The following CTNNA3 variants were observed in gnomAD, a reference collection of about 807,000 sequenced individuals.
CTNNA3 encodes the protein catenin alpha 3.
In CTNNA3, 76 loss-of-function variants were observed where a neutral mutation model predicts 95.7. That is an observed-to-expected ratio of 0.79 (90% CI 0.66 to 0.96). CTNNA3 has a LOEUF of 0.96. Ranked by LOEUF, CTNNA3 falls within the 40% of genes least tolerant of loss-of-function variation. The probability of loss-of-function intolerance (pLI) is 0.00; values close to 1 mark genes in which losing one functional copy is unlikely to be tolerated. For synonymous variants in CTNNA3, 431 were observed against 374.4 expected (o/e 1.15, Z -1.74); for missense variants, 1,191 against 1,089.8 (o/e 1.09, Z -1.31).
chr10:67,000,860 G>A (rs897458178), intron 7 of CTNNA3, among the ~76,000 whole-genome samples: 3 of 152,136 alleles, frequency 2.0e-5, no homozygotes, highest in South Asian at 2.1e-4. Context: ...ATTTTGGTAT[G>A]TCTAGCCAAA....
chr10:67,163,850 GAAAATT>G (rs1554935316), intron 7 of CTNNA3, among the ~76,000 whole-genome samples: 1 of 151,742 alleles, frequency 6.6e-6, no homozygotes, highest in African/African-American at 2.4e-5. Context: ...AATAACAGGT[GAAAATT>G]AAAATTAAAA....
intron 7 of CTNNA3, among the ~76,000 whole-genome samples, chr10:67,107,484 T>C (rs1858705221): frequency 6.6e-6 from 1 of 152,240 alleles, no homozygotes; most frequent in Non-Finnish European, 1.5e-5. Context: ...AACAACTTTT[T>C]AGAAGCTAAT....
intron 7 of CTNNA3, chr10:67,177,068 T>C (rs1862278764): frequency 2.3e-6 from 1 of 427,078 alleles, no homozygotes; most frequent in Non-Finnish European, 4.6e-6. Flanking sequence ...ACCAAACATA[T>C]ATACATATGT....
At position 66,496,393 on chromosome 10, in the gene CTNNA3, G is replaced by A. The variant is rs1171470185; in HGVS notation, c.1531+24224C>T. Among the ~76,000 whole-genome samples the A allele has an allele frequency of 2.0e-5, 3 of 152,072 alleles. No homozygotes were observed. The East Asian group carries it at 5.8e-4, about 29-fold the overall frequency. On this transcript the variant is annotated intron_variant, in intron 11 of 17. Transcript: ENST00000433211. Reference sequence around the variant, plus strand: ...AAGTGTGACAATATAATTATTTCCAGTTTGATTAAATGCTATAATCACTAT... The same window carrying A: ...AAGTGTGACAATATAATTATTTCCAATTTGATTAAATGCTATAATCACTAT...
At chr10:66,027,468 A>G (rs1423436489) in intron 15 of CTNNA3, among the ~76,000 whole-genome samples, 1 of 152,164 alleles carries the variant, frequency 6.6e-6, no homozygotes, top group East Asian at 1.9e-4. Flanking sequence ...CTCCCATGAA[A>G]TAAGGTCATT....
At chr10:67,670,341 C>T (rs1301601445) in intron 1 of CTNNA3, among the ~76,000 whole-genome samples, 2 of 152,198 alleles carry the variant, frequency 1.3e-5, no homozygotes, top group Non-Finnish European at 2.9e-5. Context: ...TCTAGTTCTA[C>T]TGATTTTGCA....
At chr10:66,234,433 T>C (rs2089752558) in intron 13 of CTNNA3, among the ~76,000 whole-genome samples, 1 of 151,862 alleles carries the variant, frequency 6.6e-6, no homozygotes, top group Non-Finnish European at 1.5e-5. Context: ...GCCTGGAAAA[T>C]ATTGCTGGAT....
At chr10:67,376,268 G>A (rs577398953) in intron 5 of CTNNA3, among the ~76,000 whole-genome samples, 5 of 152,282 alleles carry the variant, frequency 3.3e-5, no homozygotes, top group African/African-American at 9.6e-5. Context: ...TTCAAGGGAG[G>A]TCAGGAAAGT....
intron 9 of CTNNA3, among the ~76,000 whole-genome samples, chr10:66,765,566 A>C (rs1173062673): frequency 6.6e-6 from 1 of 152,050 alleles, no homozygotes; most frequent in East Asian, 1.9e-4. Context: ...CTTTCATCTT[A>C]TTTGTATTAG....
At chr10:66,679,359 A>T (rs1037784173) in intron 9 of CTNNA3, among the ~76,000 whole-genome samples, 1 of 152,218 alleles carries the variant, frequency 6.6e-6, no homozygotes, top group African/African-American at 2.4e-5. Flanking sequence ...AAAGAGAAAA[A>T]CACTCGTGTA....
chr10:66,737,258 T>A (rs1326218534), intron 9 of CTNNA3, among the ~76,000 whole-genome samples: 1 of 152,198 alleles, frequency 6.6e-6, no homozygotes, highest in Non-Finnish European at 1.5e-5. Flanking sequence ...TGATTATGAC[T>A]GTTTAATGGC....
intron 7 of CTNNA3, among the ~76,000 whole-genome samples, chr10:66,790,976 C>T (rs1418423046): frequency 6.6e-6 from 1 of 152,122 alleles, no homozygotes; most frequent in African/African-American, 2.4e-5. Flanking sequence ...ATCGCCATTA[C>T]CTCAATTCTT....
chr10:66,868,526 G>A (rs1185940970), intron 7 of CTNNA3, among the ~76,000 whole-genome samples: 1 of 151,840 alleles, frequency 6.6e-6, no homozygotes, highest in Non-Finnish European at 1.5e-5. Context: ...TCCGAGGCAG[G>A]TGGATCACTT....
At position 67,583,320 on chromosome 10, in the gene CTNNA3, C is replaced by CTTAG. The variant is rs1202657997; in HGVS notation, c.292+23533_292+23536dup. 2.6e-5 allele frequency among the ~76,000 whole-genome samples: 4 copies of CTTAG among 152,266 alleles called. No homozygotes were observed. In the South Asian group the frequency reaches 8.3e-4, roughly 32 times the overall value. On this transcript the variant is annotated intron_variant, in intron 3 of 17. Coordinates refer to ENST00000433211, the MANE Select transcript of CTNNA3 (RefSeq NM_013266.4). The stretch of plus-strand genomic sequence containing the variant: ...TTTTATTTCTCCTTCACTTATGAAG[C>CTTAG]TTAGTTTGGCTGGATATGAAATTCT...
chr10:66,914,250 C>T (rs1846371623), intron 7 of CTNNA3, among the ~76,000 whole-genome samples: 1 of 151,708 alleles, frequency 6.6e-6, no homozygotes, highest in Admixed American at 6.6e-5. Context: ...CCTGCCTCAG[C>T]CTCCCCAGTA....
chr10:66,153,629 G>T (rs904601189), intron 13 of CTNNA3, among the ~76,000 whole-genome samples: 5 of 151,834 alleles, frequency 3.3e-5, no homozygotes, highest in African/African-American at 1.2e-4. Context: ...TTTCTGAGAT[G>T]CCTCTCCACC....
chr10:66,764,757 C>T (rs933071721), intron 9 of CTNNA3, among the ~76,000 whole-genome samples: 5 of 152,112 alleles, frequency 3.3e-5, no homozygotes, highest in African/African-American at 1.2e-4. Context: ...TTTTAACATT[C>T]TTTGGTGTCT....
intron 11 of CTNNA3, among the ~76,000 whole-genome samples, chr10:66,447,952 T>TCTA (rs1159640366): frequency 6.6e-6 from 1 of 152,108 alleles, no homozygotes; most frequent in Non-Finnish European, 1.5e-5. Flanking sequence ...ATATCCAGAA[T>TCTA]CTACAATGAA....
At chr10:66,953,384 T>C (rs1473301536) in intron 7 of CTNNA3, among the ~76,000 whole-genome samples, 2 of 152,176 alleles carry the variant, frequency 1.3e-5, no homozygotes. Flanking sequence ...AATGAGAGAG[T>C]TGAAAATGAA....
Sources: allele counts gnomAD v4.1 joint callset (sites outside exome capture counted in the v4.1 genomes callset), GRCh38; gene constraint gnomAD v4.1.1; transcripts MANE v1.5; gene names NCBI Gene and HGNC (gene_info 2026-07-23, HGNC 2026-07-21).